PRKAG2: variants seen among roughly 807,000 people sequenced by gnomAD.
The protein encoded by PRKAG2 is protein kinase AMP-activated non-catalytic subunit gamma 2.
A neutral mutation model predicts 69.6 loss-of-function variants in PRKAG2; 26 were observed. The ratio of observed to expected loss-of-function variants is 0.37; its 90% CI spans 0.27 to 0.52. The LOEUF (loss-of-function observed/expected upper bound fraction) is 0.52. Among genes scored for constraint, PRKAG2 ranks in the 20% least tolerant of loss-of-function variants. The pLI, the probability that PRKAG2 is intolerant of heterozygous loss-of-function variation, is 0.90. For missense variants in PRKAG2, 557 were observed against 740.0 expected, an observed-to-expected ratio of 0.75 and a Z score of 2.87; for synonymous variants, 293 against 285.0, an observed-to-expected ratio of 1.03 and a Z score of -0.28.
At chr7:151,603,742 A>G (rs181993952) in intron 5 of PRKAG2, among the ~76,000 whole-genome samples, 11 of 152,228 alleles carry the variant, frequency 7.2e-5, no homozygotes, top group South Asian at 2.1e-4. Context: ...GAGTGAAGTC[A>G]TATTTGTCAG....
At chr7:151,637,659 C>A (rs564554940) in intron 4 of PRKAG2, among the ~76,000 whole-genome samples, 4 of 150,004 alleles carry the variant, frequency 2.7e-5, no homozygotes, top group African/African-American at 9.8e-5. Context: ...CTTATGTTTT[C>A]TTCCTTAGAA....
At chr7:151,839,285 A>C (rs543896632) in intron 1 of PRKAG2, among the ~76,000 whole-genome samples, 1 of 152,330 alleles carries the variant, frequency 6.6e-6, no homozygotes. Context: ...GGAAAGTAGA[A>C]GGAGGAAGTC....
chr7:151,588,312 G>T (rs1011377570), intron 6 of PRKAG2, among the ~76,000 whole-genome samples: 1 of 152,056 alleles, frequency 6.6e-6, no homozygotes, highest in Admixed American at 6.6e-5. Context: ...AATCATGGGG[G>T]GGAGTCTTTC....
In PRKAG2 at chr7:151,632,036, G is replaced by A; in HGVS notation, c.754+33C>T. The A allele has an allele frequency of 2.3e-6, 3 of 1,318,026 alleles. No homozygotes were observed. The highest frequency in any genetic ancestry group is 2.9e-6 in the Non-Finnish European group (3 of 1,021,916). The allele number at this position is 1,318,026 out of a possible 1,614,324, so 81.6% of individuals were successfully genotyped here. A position where few individuals can be genotyped will look rare whatever the true frequency, so the allele number is the denominator to read the frequency against. Reference sequence around the variant, plus strand: ...GTCCTCGGGCGGCCGGGCCGTGGGAGCGCCGGGCCGGCAGCGGGCGGGGCG... The same window carrying A: ...GTCCTCGGGCGGCCGGGCCGTGGGAACGCCGGGCCGGCAGCGGGCGGGGCG... On this transcript the variant is annotated intron_variant, in intron 5 of 15. Transcript: ENST00000287878. The surrounding 1 kb of genome is among the most constrained non-coding windows in gnomAD (Gnocchi z 4.2).
At chr7:151,816,792 G>A (rs770468055) in intron 1 of PRKAG2, among the ~76,000 whole-genome samples, 43 of 152,176 alleles carry the variant, frequency 2.8e-4, no homozygotes, top group Non-Finnish European at 5.0e-4. Flanking sequence ...GGGTGAGCTG[G>A]GCCTGTTTTA....
At chr7:151,802,952 A>AT (rs1554605679) in intron 1 of PRKAG2, among the ~76,000 whole-genome samples, 20,775 of 131,902 alleles carry the variant, frequency 0.16, 1,941 homozygotes, top group East Asian at 0.31. Context: ...GCAATATGAT[A>AT]TATATATATA....
chr7:151,777,196 G>T lies in PRKAG2; in HGVS notation c.466+3956C>A, dbSNP rs1468968510. On this transcript the variant is annotated intron_variant, in intron 3 of 15. Coordinates refer to ENST00000287878, the MANE Select transcript of PRKAG2 (RefSeq NM_016203.4). The surrounding 1 kb of genome is among the most constrained non-coding windows in gnomAD (Gnocchi z 4.3). ...GGCCAGGTTCAGCATGGGCCCCGAG[G>T]TCTAGCTCTTCACTGCGGCAGCACC... Among the ~76,000 whole-genome samples, 3 of 152,172 alleles carry T rather than the reference G, an allele frequency of 2.0e-5. No homozygotes were observed. Among genetic ancestry groups the T allele is most frequent in the Non-Finnish European group, 4.4e-5 (3 of 68,024 alleles).
chr7:151,615,566 G>T (rs1428931533), intron 5 of PRKAG2, among the ~76,000 whole-genome samples: 1 of 152,198 alleles, frequency 6.6e-6, no homozygotes, highest in Non-Finnish European at 1.5e-5. Context: ...TGACAAGTGG[G>T]ATCTAAGTAA....
chr7:151,835,847 C>T lies in PRKAG2; in HGVS notation c.114+40660G>A, dbSNP rs1398982011. Among the ~76,000 whole-genome samples, 1 of 152,142 alleles carries T rather than the reference C, an allele frequency of 6.6e-6. No homozygotes were observed. The highest frequency in any genetic ancestry group is 2.4e-5 in the African/African-American group (1 of 41,420). ...TGATGGCAGATTGCTGGCTGCTCAC[C>T]GTGATGAAAGTGCATCTGTCCCACA... is the stretch of plus-strand genomic sequence containing the variant. On this transcript the variant is annotated intron_variant, in intron 1 of 15. Transcript: ENST00000287878. The surrounding 1 kb of genome is among the most constrained non-coding windows in gnomAD (Gnocchi z 4.1).
chr7:151,782,358 AGGGAGGGAGGGAG>A (rs2076743132), intron 2 of PRKAG2, among the ~76,000 whole-genome samples: 1 of 77,874 alleles, frequency 1.3e-5, no homozygotes. Context: ...GGAGGGAGGG[AGGGAGGGAGGGAG>A]GGAAGGAAAG....
In PRKAG2 at chr7:151,699,202, A is replaced by C. The variant is rs191085485; in HGVS notation, c.467-23565T>G. 2.5e-4 allele frequency among the ~76,000 whole-genome samples: 38 copies of C among 152,312 alleles called. No individual in the cohort carries two copies. Among genetic ancestry groups the C allele is most frequent in the East Asian group, 7.7e-4 (4 of 5,190 alleles). On this transcript the variant is annotated intron_variant, in intron 3 of 15. Transcript: ENST00000287878. The surrounding 1 kb of genome is among the most constrained non-coding windows in gnomAD (Gnocchi z 4.5). ...TTGACACCTGGGATGTAAGCTGTGA[A>C]AGCTAAACTGCACTGTAGTTGGAGA...
At chr7:151,628,619 C>A (rs1336318297) in intron 5 of PRKAG2, among the ~76,000 whole-genome samples, 1 of 151,836 alleles carries the variant, frequency 6.6e-6, no homozygotes, top group Non-Finnish European at 1.5e-5. Context: ...GGCGGAAGCA[C>A]CACTTGAGCC....
At chr7:151,827,745 TAAAAAAAAAAA>T (rs55685618) in intron 1 of PRKAG2, among the ~76,000 whole-genome samples, 33 of 52,248 alleles carry the variant, frequency 6.3e-4, no homozygotes, top group East Asian at 1.4e-3. Context: ...TGGCCTTAGG[TAAAAAAAAAAA>T]AAAAAAAAAA....
intron 5 of PRKAG2, among the ~76,000 whole-genome samples, chr7:151,609,541 C>A (rs1191124460): frequency 2.6e-5 from 4 of 152,122 alleles, no homozygotes; most frequent in African/African-American, 9.7e-5. Flanking sequence ...ATAAAAATAA[C>A]AACTGCTAAA....
At chr7:151,825,083 A>C (rs1295036190) in intron 1 of PRKAG2, among the ~76,000 whole-genome samples, 1 of 152,010 alleles carries the variant, frequency 6.6e-6, no homozygotes, top group Non-Finnish European at 1.5e-5. Flanking sequence ...GTGTGGTGGC[A>C]GGCGCGTGTA....
intron 5 of PRKAG2, among the ~76,000 whole-genome samples, chr7:151,625,831 C>T (rs1209936539): frequency 2.0e-5 from 3 of 152,124 alleles, no homozygotes; most frequent in Non-Finnish European, 4.4e-5. Flanking sequence ...GGAATCTGAG[C>T]CGTGGAGGAG....
intron 4 of PRKAG2, among the ~76,000 whole-genome samples, chr7:151,649,864 T>A (rs1828177639): frequency 6.6e-6 from 1 of 152,138 alleles, no homozygotes; most frequent in South Asian, 2.1e-4. Flanking sequence ...CTCTTTCCTT[T>A]ATAAATTACC....
chr7:151,665,279 C>T (rs553142169), intron 4 of PRKAG2, among the ~76,000 whole-genome samples: 27 of 152,198 alleles, frequency 1.8e-4, no homozygotes, highest in East Asian at 1.4e-3. Flanking sequence ...CCTGGGGAGA[C>T]GACAGAGGCA....
chr7:151,868,374 T>TG (rs1426623319), intron 1 of PRKAG2, among the ~76,000 whole-genome samples: 1 of 152,186 alleles, frequency 6.6e-6, no homozygotes, highest in Non-Finnish European at 1.5e-5. Flanking sequence ...AGCCATGCAA[T>TG]GAGTAACAGT....
Sources: allele counts gnomAD v4.1 joint callset (sites outside exome capture counted in the v4.1 genomes callset), GRCh38; gene constraint gnomAD v4.1.1; non-coding constraint Gnocchi (gnomAD v3.1); transcripts MANE v1.5; gene names NCBI Gene and HGNC (gene_info 2026-07-23, HGNC 2026-07-21).